FAAH2: variants seen among roughly 807,000 people sequenced by gnomAD.
The protein encoded by FAAH2 is fatty-acid amide hydrolase 2.
A neutral mutation model predicts 36.9 loss-of-function variants in FAAH2; 60 were observed. That is an observed-to-expected ratio of 1.63 (90% CI 1.32 to 2.02). FAAH2 has a LOEUF of 2.02. Among genes scored for constraint, FAAH2 ranks in the 30% most tolerant of loss-of-function variants. FAAH2 has a pLI of 0.00. For missense variants in FAAH2, 689 were observed against 397.5 expected (o/e 1.73, Z -6.23); for synonymous variants, 214 against 143.8 (o/e 1.49, Z -3.49).
rs751253395 is a variant in FAAH2 at position 57,354,771 on chromosome X, T to C, written c.742+13381T>C. Among the ~76,000 whole-genome samples the C allele has an allele frequency of 3.6e-5, 4 of 110,947 alleles. No homozygotes were observed. The East Asian group carries it at 1.1e-3, about 31-fold the overall frequency. The stretch of plus-strand genomic sequence containing the variant: ...ATTAATTATGGGTATTTTTTGCTAA[T>C]GAGATTCTAGGTAAATTTAATTTTT... On this transcript the variant is annotated intron_variant, in intron 5 of 10. Transcript: ENST00000374900.
chrX:57,233,659 G>T, the FAAH2 span, among the ~76,000 whole-genome samples: 4 of 111,606 alleles, frequency 3.6e-5, no homozygotes, highest in Admixed American at 3.8e-4. Context: ...TTTTGTTTTT[G>T]GAGACAGTCT....
At chrX:57,410,556 C>A (rs746843160) in intron 7 of FAAH2, among the ~76,000 whole-genome samples, 1 of 111,674 alleles carries the variant, frequency 9.0e-6, no homozygotes, top group Admixed American at 9.5e-5. Context: ...GACCATATAA[C>A]TATATAAAGC....
chrX:57,388,762 T>C (rs1334707221), intron 7 of FAAH2, among the ~76,000 whole-genome samples: 1 of 111,305 alleles, frequency 9.0e-6, no homozygotes, highest in African/African-American at 3.3e-5. Flanking sequence ...ACTTATTTAT[T>C]CATACATTCT....
the FAAH2 span, among the ~76,000 whole-genome samples, chrX:57,250,152 G>A: frequency 8.9e-6 from 1 of 111,948 alleles, no homozygotes; most frequent in South Asian, 3.7e-4. Context: ...GTTGGATACA[G>A]CAATAATTGT....
the FAAH2 span, among the ~76,000 whole-genome samples, chrX:57,237,437 A>G: frequency 9.0e-6 from 1 of 111,361 alleles, no homozygotes; most frequent in South Asian, 3.7e-4. Context: ...ATTTATTTTC[A>G]GTAAATTTTA....
chrX:57,326,721 G>A (rs1431717505), intron 3 of FAAH2, among the ~76,000 whole-genome samples: 1 of 80,700 alleles, frequency 1.2e-5, no homozygotes, highest in East Asian at 3.6e-4. Context: ...TTTATTTTGA[G>A]CCTATGTGTG....
chrX:57,181,746 A>G, the FAAH2 span, among the ~76,000 whole-genome samples: 1 of 112,037 alleles, frequency 8.9e-6, no homozygotes, highest in African/African-American at 3.2e-5. Context: ...TTTATATGGA[A>G]CCATAAAAAA....
chrX:57,397,354 A>T (rs1011366526), intron 7 of FAAH2, among the ~76,000 whole-genome samples: 7 of 111,928 alleles, frequency 6.3e-5, no homozygotes, highest in African/African-American at 1.3e-4. Context: ...GCCAGATAAG[A>T]TCTGTGAGTT....
chrX:57,301,111 G>T (rs1203485960), intron 2 of FAAH2, among the ~76,000 whole-genome samples: 1 of 107,843 alleles, frequency 9.3e-6, no homozygotes, highest in African/African-American at 3.4e-5. Flanking sequence ...CCCATTACTG[G>T]GTATATACCC....
At chrX:57,178,206 G>A in the FAAH2 span, among the ~76,000 whole-genome samples, 1 of 112,040 alleles carries the variant, frequency 8.9e-6, no homozygotes, top group Non-Finnish European at 1.9e-5. Flanking sequence ...TACTATGTTG[G>A]CTTTCTCAAA....
At chrX:57,381,604 A>T (rs1457616854) in intron 7 of FAAH2, 1 of 565,179 alleles carries the variant, frequency 1.8e-6, no homozygotes, top group Non-Finnish European at 2.1e-6. Flanking sequence ...TGGTAAAGGG[A>T]TCAATTCAAC....
the FAAH2 span, among the ~76,000 whole-genome samples, chrX:57,240,083 T>A: frequency 1.8e-5 from 2 of 112,194 alleles, no homozygotes; most frequent in African/African-American, 3.2e-5. Flanking sequence ...GTGCAGTTGT[T>A]TGGGGATAAG....
intron 2 of FAAH2, among the ~76,000 whole-genome samples, chrX:57,296,508 C>T (rs1056737233): frequency 1.8e-5 from 2 of 111,443 alleles, no homozygotes; most frequent in African/African-American, 6.5e-5. Flanking sequence ...GGGAAAAAAA[C>T]AGAGCGGAAA....
At chrX:57,314,108 G>T (rs183422824) in intron 3 of FAAH2, among the ~76,000 whole-genome samples, 1 of 111,503 alleles carries the variant, frequency 9.0e-6, no homozygotes, top group East Asian at 2.8e-4. Context: ...AGATAAAACA[G>T]ATCTTAAACC....
the FAAH2 span, among the ~76,000 whole-genome samples, chrX:57,162,356 G>C: frequency 9.0e-6 from 1 of 110,914 alleles, no homozygotes; most frequent in South Asian, 3.8e-4. Flanking sequence ...TGCTCTTCTC[G>C]AGGAGTATCT....
chrX:57,201,451 G>C, the FAAH2 span, among the ~76,000 whole-genome samples: 1 of 110,031 alleles, frequency 9.1e-6, no homozygotes, highest in Non-Finnish European at 1.9e-5. Context: ...AAAGAAGTCT[G>C]TCTGCTGCTA....
chrX:57,430,278 TAGTATC>T lies in FAAH2; in HGVS notation c.997-1636_997-1631del, dbSNP rs1374580149. Reference sequence around the variant, plus strand: ...AGTGTCATTTTAGGTCTCCTGGCATTAGTATCAGTTCAGGACCTGTGTCCAATATTC... The same window carrying T: ...AGTGTCATTTTAGGTCTCCTGGCATTAGTTCAGGACCTGTGTCCAATATTC... On this transcript the variant is annotated intron_variant, in intron 7 of 10. Transcript: ENST00000374900. 3.6e-5 allele frequency among the ~76,000 whole-genome samples: 4 copies of T among 112,108 alleles called. No homozygotes were observed. The South Asian group carries it at 1.1e-3, about 31-fold the overall frequency.
chrX:57,345,114 C>A lies in FAAH2; in HGVS notation c.742+3724C>A, dbSNP rs1212557644. On this transcript the variant is annotated intron_variant, in intron 5 of 10. Transcript: ENST00000374900. ...TCTAGAATGAGTTAAAGAGCATCCT[C>A]TCCTCAATTTTTTTTTTTTTTTGGA... 1.4e-4 allele frequency among the ~76,000 whole-genome samples: 12 copies of A among 85,222 alleles called. No individual in the cohort carries two copies. In the Admixed American group the frequency reaches 1.5e-3, roughly 11 times the overall value. 74.0% of individuals were successfully genotyped at this position (85,222 alleles called of 115,157 possible).
At chrX:57,147,775 C>A in the FAAH2 span, among the ~76,000 whole-genome samples, 1 of 111,752 alleles carries the variant, frequency 8.9e-6, no homozygotes, top group Admixed American at 9.5e-5. Flanking sequence ...TCATTCAGTT[C>A]ACAGAATATT....
Sources: gnomAD v4.1 joint callset for allele counts (sites outside exome capture counted in the v4.1 genomes callset) on GRCh38, gnomAD v4.1.1 for gene constraint, MANE v1.5 for transcripts, NCBI Gene and HGNC (gene_info 2026-07-23, HGNC 2026-07-21) for gene names.